The following SLC29A1 variants were observed in gnomAD, a reference collection of about 807,000 sequenced individuals.
The protein encoded by SLC29A1 is solute carrier family 29 member 1 (Augustine blood group).
A neutral mutation model predicts 48.3 loss-of-function variants in SLC29A1; 22 were observed. The observed-to-expected ratio is 0.46, with a 90% CI of 0.33 to 0.65. The LOEUF (loss-of-function observed/expected upper bound fraction) is 0.65, where lower values mean the gene tolerates loss of function less well. Among genes scored for constraint, SLC29A1 ranks in the 30% least tolerant of loss-of-function variants. SLC29A1 has a pLI of 0.03. For synonymous variants in SLC29A1, 228 were observed against 231.0 expected, an observed-to-expected ratio of 0.99 and a Z score of 0.12; for missense variants, 491 against 575.3, an observed-to-expected ratio of 0.85 and a Z score of 1.50.
At chr6:44,222,798 A>G (rs1776608441), upstream of SLC29A1, among the ~76,000 whole-genome samples, 1 of 152,228 alleles carries the variant, frequency 6.6e-6, no homozygotes, top group South Asian at 2.1e-4. Flanking sequence ...TTCACTGAGG[A>G]TATAAGGCTG....
At chr6:44,220,030 A>AG, upstream of SLC29A1, among the ~76,000 whole-genome samples, 1 of 152,336 alleles carries the variant, frequency 6.6e-6, no homozygotes, top group African/African-American at 2.4e-5. Flanking sequence ...AACATAGGGT[A>AG]GGGGGAAGAG....
intron 1 of SLC29A1, among the ~76,000 whole-genome samples, chr6:44,225,292 G>A (rs1188161695): frequency 1.3e-5 from 2 of 152,126 alleles, no homozygotes; most frequent in Non-Finnish European, 2.9e-5. Context: ...GGTCACCTGA[G>A]GTCGGGAGTT....
chr6:44,224,442 C>T (rs1025965536), intron 1 of SLC29A1, among the ~76,000 whole-genome samples: 5 of 152,026 alleles, frequency 3.3e-5, no homozygotes, highest in Non-Finnish European at 5.9e-5. Flanking sequence ...TCATTTTTCC[C>T]TTTAGTTGAA....
chr6:44,230,998 C>A, intron 8 of SLC29A1, 109 bp downstream of exon 8: 1 of 844,548 alleles, frequency 1.2e-6, no homozygotes, highest in Non-Finnish European at 2.0e-6. Flanking sequence ...AGCCCTGAGC[C>A]AGAGGAGGAC....
At position 44,230,064 on chromosome 6, in the gene SLC29A1, G is replaced by A; in HGVS notation, c.454+18G>A. ...CATTAATTGTAAGCTGGGCCAGGAG[G>A]GGGCCTATGGGAGGAGGCATGCCCA... On this transcript the variant is annotated intron_variant, in intron 5 of 12. Transcript: ENST00000371755. The A allele has an allele frequency of 1.9e-6, 3 of 1,603,006 alleles. No homozygotes were observed. Among genetic ancestry groups the A allele is most frequent in the Non-Finnish European group, 2.5e-6 (3 of 1,179,916 alleles).
chr6:44,220,650 T>TA (rs564819806), upstream of SLC29A1, among the ~76,000 whole-genome samples: 27,813 of 115,896 alleles, frequency 0.24, 2,818 homozygotes, highest in East Asian at 0.36. Flanking sequence ...CCGTCTCTAC[T>TA]AAAAAAAAAA....
upstream of SLC29A1, among the ~76,000 whole-genome samples, chr6:44,221,942 C>T (rs529874010): frequency 6.6e-6 from 1 of 152,320 alleles, no homozygotes; most frequent in South Asian, 2.1e-4. This position sits in a 1 kb window ranked among gnomAD's most constrained non-coding sequence, Gnocchi z 4.2. Context: ...TTTTCTTCCA[C>T]CTCCAGCCCC....
intron 9 of SLC29A1, 75 bp downstream of exon 9, chr6:44,231,536 C>G (rs143456395): frequency 2.2e-6 from 2 of 905,192 alleles, no homozygotes; most frequent in African/African-American, 1.6e-5. Flanking sequence ...CCCCCTGCCA[C>G]CCATCTCCTC....
rs1197977635 is a variant in SLC29A1, at chr6:44,232,998, CG to C, written c.1254del (p.Lys420ArgfsTer3). On this transcript the variant is annotated frameshift_variant, in exon 12 of 13. Coordinates refer to ENST00000371755, the MANE Select transcript of SLC29A1 (RefSeq NM_001372327.1). LOFTEE classifies it high-confidence loss of function. The surrounding 1 kb of genome is among the most constrained non-coding windows in gnomAD (Gnocchi z 4.7). ...GYLASLCMCFGPKKVKPAEAE... is the reference protein window; with the variant it reads ...GYLASLCMCFXPKKVKPAEAE... ...ACCTCGCCAGCCTCTGCATGTGCTT[CG>C]GGCCCAAGTGAGTAGGGCTGGCAGG... 1 of 1,612,554 alleles carries C rather than the reference CG, an allele frequency of 6.2e-7. No individual in the cohort carries two copies. Among genetic ancestry groups the C allele is most frequent in the Non-Finnish European group, 8.5e-7 (1 of 1,180,042 alleles).
chr6:44,231,572 C>T (rs1778887741), intron 9 of SLC29A1, 111 bp downstream of exon 9: 1 of 742,760 alleles, frequency 1.3e-6, no homozygotes, highest in African/African-American at 1.7e-5. Flanking sequence ...AGTGGTCACT[C>T]CTGGATTCTT....
chr6:44,224,563 C>G (rs1174691991), intron 1 of SLC29A1, among the ~76,000 whole-genome samples: 2 of 152,206 alleles, frequency 1.3e-5, no homozygotes, highest in Non-Finnish European at 2.9e-5. Flanking sequence ...AGCTCCTCCA[C>G]TCACCAGCTC....
At chr6:44,224,210 G>A (rs1182328491) in intron 1 of SLC29A1, among the ~76,000 whole-genome samples, 1 of 152,052 alleles carries the variant, frequency 6.6e-6, no homozygotes, top group African/African-American at 2.4e-5. Flanking sequence ...CTTACCAGGA[G>A]AGAGCAGTCG....
At position 44,233,903 on chromosome 6, in the gene SLC29A1, C is replaced by G; in HGVS notation, c.*375C>G. The G allele has an allele frequency of 4.1e-6, 1 of 242,910 alleles. No homozygotes were observed. Among genetic ancestry groups the G allele is most frequent in the East Asian group, 1.1e-4 (1 of 9,130 alleles). 15.0% of individuals were successfully genotyped at this position (242,910 alleles called of 1,614,324 possible). On this transcript the variant is annotated 3_prime_UTR_variant, in exon 13 of 13. Transcript: ENST00000371755. ...GTGTCTGTCAGACTGTCTGCCTGTC[C>G]TGGGGTGGCTAGGAGCTGGGTCTGA... is the stretch of plus-strand genomic sequence containing the variant.
rs76182139 is a variant in SLC29A1 at position 44,230,611 on chromosome 6, A to T, written c.633A>T (p.Thr211=). The change falls in exon 7 of 13, where the codon ACA becomes ACT. Residue 211 remains threonine, a synonymous_variant. Transcript: ENST00000371755. ...LSESAFGYFI[T]ACAVIILTII... ...AAAGTGCCTTCGGCTACTTTATCAC[A>T]GCCTGTGCTGTTATCATTTTGACCA... 1,121 of 1,611,318 alleles carry T rather than the reference A, an allele frequency of 7.0e-4. 1 individual carries two copies. The highest frequency in any genetic ancestry group is 9.2e-4 in the Non-Finnish European group (1,082 of 1,179,362).
In SLC29A1 at chr6:44,233,152, G is replaced by A. The variant is rs2153308230; in HGVS notation, c.1259+146G>A. 3.2e-6 allele frequency: 3 copies of A among 924,572 alleles called. No homozygotes were observed. The African/African-American group carries it at 4.9e-5, about 15-fold the overall frequency. The allele number at this position is 924,572 out of a possible 1,614,324, so 57.3% of individuals were successfully genotyped here. Reference sequence around the variant, plus strand: ...GCTCAGGAGGGGCTCCCAGGCTGAGGGGATAGTGACTGTAGTGGAGGGGGG... The same window carrying A: ...GCTCAGGAGGGGCTCCCAGGCTGAGAGGATAGTGACTGTAGTGGAGGGGGG... On this transcript the variant is annotated intron_variant, in intron 12 of 12. Coordinates refer to ENST00000371755, the MANE Select transcript of SLC29A1 (RefSeq NM_001372327.1).
intron 1 of SLC29A1, among the ~76,000 whole-genome samples, chr6:44,225,116 T>C (rs1481885260): frequency 6.6e-6 from 1 of 152,184 alleles, no homozygotes; most frequent in Non-Finnish European, 1.5e-5. Context: ...CTACACCTGC[T>C]CTTAACTGCC....
In SLC29A1 at chr6:44,229,492, C is replaced by T; in HGVS notation, c.111+21C>T. ...CTCAGGTGAGGCTGGAGGGACTGGGCTCCATGGGGCAGTGCCCACTGTGCT... is the reference window on the plus strand; with the variant it reads ...CTCAGGTGAGGCTGGAGGGACTGGGTTCCATGGGGCAGTGCCCACTGTGCT... On this transcript the variant is annotated intron_variant, in intron 3 of 12. Coordinates refer to ENST00000371755, the MANE Select transcript of SLC29A1 (RefSeq NM_001372327.1). This position sits in a 1 kb window ranked among gnomAD's most constrained non-coding sequence, Gnocchi z 5.1. The T allele has an allele frequency of 1.2e-6, 2 of 1,611,592 alleles. No homozygotes were observed. The highest frequency in any genetic ancestry group is 1.7e-6 in the Non-Finnish European group (2 of 1,177,686).
chr6:44,232,302 C>A lies in SLC29A1; in HGVS notation c.974-41C>A. 1 of 1,422,426 alleles carries A rather than the reference C, an allele frequency of 7.0e-7. No homozygotes were observed. Among genetic ancestry groups the A allele is most frequent in the Non-Finnish European group, 9.9e-7 (1 of 1,005,036 alleles). The allele number at this position is 1,422,426 out of a possible 1,614,324, so 88.1% of individuals were successfully genotyped here. A position where few individuals can be genotyped will look rare whatever the true frequency, so the allele number is the denominator to read the frequency against. On this transcript the variant is annotated intron_variant, in intron 10 of 12. Transcript: ENST00000371755. The surrounding 1 kb of genome is among the most constrained non-coding windows in gnomAD (Gnocchi z 4.7). Reference sequence around the variant, plus strand: ...TGAAGGTTAGGCTTGCTATACCTGCCTCTGTGAGCCTGATAACCACCCGTT... The same window carrying A: ...TGAAGGTTAGGCTTGCTATACCTGCATCTGTGAGCCTGATAACCACCCGTT...
At position 44,232,362 on chromosome 6, in the gene SLC29A1, G is replaced by A; in HGVS notation, c.993G>A (p.Val331=). Reference sequence around the variant, plus strand: ...TTCCAGAACGTTACTTCATTCCTGTGTCCTGTTTCTTGACTTTCAATATCT... The same window carrying A: ...TTCCAGAACGTTACTTCATTCCTGTATCCTGTTTCTTGACTTTCAATATCT... The part of the protein sequence containing the change: ...SSTWERYFIP[V]SCFLTFNIFD... The change falls in exon 11 of 13, where the codon GTG becomes GTA. Residue 331 remains valine, a synonymous_variant. Coordinates refer to ENST00000371755, the MANE Select transcript of SLC29A1 (RefSeq NM_001372327.1). This position sits in a 1 kb window ranked among gnomAD's most constrained non-coding sequence, Gnocchi z 4.7. The A allele has an allele frequency of 6.2e-7, 1 of 1,613,200 alleles. No individual in the cohort carries two copies. Among genetic ancestry groups the A allele is most frequent in the Non-Finnish European group, 8.5e-7 (1 of 1,179,188 alleles).
Sources: gnomAD v4.1 joint callset for allele counts (sites outside exome capture counted in the v4.1 genomes callset) on GRCh38, gnomAD v4.1.1 for gene constraint, Gnocchi (gnomAD v3.1) non-coding constraint, MANE v1.5 for transcripts, NCBI Gene and HGNC (gene_info 2026-07-23, HGNC 2026-07-21) for gene names.